UTP25: variants seen among roughly 807,000 people sequenced by gnomAD.
UTP25 encodes the protein U3 small nucleolar RNA-associated protein 25 homolog.
In UTP25, 50 loss-of-function variants were observed where a neutral mutation model predicts 78.9. The observed-to-expected ratio is 0.63, with a 90% CI of 0.50 to 0.80. The LOEUF is 0.80. Among genes scored for constraint, UTP25 ranks in the 30% least tolerant of loss-of-function variants. UTP25 has a pLI of 0.00. For synonymous variants in UTP25, 329 were observed against 336.5 expected (o/e 0.98, Z 0.24); for missense variants, 846 against 911.3 (o/e 0.93, Z 0.92).
chr1:209,848,834 A>G (rs7516902), intron 11 of UTP25, among the ~76,000 whole-genome samples: 125,280 of 152,210 alleles, frequency 0.82, 51,942 homozygotes, highest in African/African-American at 0.93. Context: ...TAGAGGCTGA[A>G]GTAAATAATA....
At position 209,855,947 on chromosome 1, in the gene UTP25, CACTG is replaced by C. The variant is rs1439748068; in HGVS notation, c.*4503_*4506del. On this transcript the variant is annotated 3_prime_UTR_variant, in exon 12 of 12. Coordinates refer to ENST00000491415, the MANE Select transcript of UTP25 (RefSeq NM_014388.7). The stretch of plus-strand genomic sequence containing the variant: ...CCCAGTGCCCTGCCACCTTCGTCCT[CACTG>C]ACCTCTGCAGCCTCTCTCATCTGCC... The C allele has an allele frequency of 3.9e-5, 6 of 152,466 alleles. No homozygotes were observed. Among genetic ancestry groups the C allele is most frequent in the Non-Finnish European group, 7.3e-5 (5 of 68,220 alleles). 9.4% of individuals were successfully genotyped at this position (152,466 alleles called of 1,614,324 possible).
chr1:209,851,231 G>C lies in UTP25; in HGVS notation c.2055G>C (p.Leu685=), dbSNP rs756081577. Residue 685 remains leucine (L), a synonymous_variant, in exon 12 of 12, where the codon CTG becomes CTC. Coordinates refer to ENST00000491415, the MANE Select transcript of UTP25 (RefSeq NM_014388.7). ...KRYTIKGIRN[L]IFYELPTYPH... ...ATACAATAAAAGGCATCAGGAACCTGATTTTCTATGAACTGCCGACATATC... is the reference window on the plus strand; with the variant it reads ...ATACAATAAAAGGCATCAGGAACCTCATTTTCTATGAACTGCCGACATATC... The C allele has an allele frequency of 4.3e-6, 7 of 1,613,574 alleles. No individual in the cohort carries two copies. The highest frequency in any genetic ancestry group is 5.9e-6 in the Non-Finnish European group (7 of 1,179,930).
chr1:209,830,233 C>G, intron 2 of UTP25, 86 bp downstream of exon 2: 1 of 1,215,354 alleles, frequency 8.2e-7, no homozygotes, highest in Non-Finnish European at 1.2e-6. Context: ...GATTACATTT[C>G]TATTCCTTTT....
At chr1:209,842,722 T>C (rs2078174893) in intron 10 of UTP25, 27 bp downstream of exon 10, 1 of 1,549,838 alleles carries the variant, frequency 6.5e-7, no homozygotes, top group Non-Finnish European at 8.8e-7. Flanking sequence ...AGCAGGCCCC[T>C]GGGGACCACA....
Position 209,838,957 on chromosome 1 carries a change from C to G in UTP25, c.1111C>G (p.Leu371Val). The G allele has an allele frequency of 6.2e-7, 1 of 1,614,088 alleles. No individual in the cohort carries two copies. Among genetic ancestry groups the G allele is most frequent in the Non-Finnish European group, 8.5e-7 (1 of 1,179,960 alleles). Residue 371 changes from leucine (L) to valine (V), a missense_variant, in exon 7 of 12, where the codon CTC (leucine) becomes GTC (valine). Physicochemically the swap from Leu to Val is conservative, Grantham distance 32. Transcript: ENST00000491415. ...GGAAGCTGCTTTGCGGGTGGTGCAG[C>G]TCTTCATCAGCCTCCTCGAGGGTGA... is the stretch of plus-strand genomic sequence containing the variant. ...FREAALRVVQ[L>V]FISLLEGDSK...
rs1438852332 is a variant in UTP25, at chr1:209,831,002, T to C, written c.347T>C (p.Val116Ala). 6.2e-7 allele frequency: 1 copy of C among 1,614,128 alleles called. No individual in the cohort carries two copies. The highest frequency in any genetic ancestry group is 8.5e-7 in the Non-Finnish European group (1 of 1,179,998). The part of the protein sequence containing the change: ...NDEDGGSDVS[V>A]EEEMAAESTE... ...GAAGATGGTGGTAGCGATGTCAGTG[T>C]GGAAGAAGAGATGGCTGCAGAGTCT... The change falls in exon 3 of 12, where the codon GTG (valine) becomes GCG (alanine). Residue 116 changes from valine (V) to alanine (A), a missense_variant. Coordinates refer to ENST00000491415, the MANE Select transcript of UTP25 (RefSeq NM_014388.7).
chr1:209,841,102 G>C (rs781445481), intron 8 of UTP25, 47 bp downstream of exon 8: 1 of 1,595,594 alleles, frequency 6.3e-7, no homozygotes, highest in Admixed American at 1.7e-5. Context: ...CATATTTAGA[G>C]GGATAAGACA....
At position 209,836,889 on chromosome 1, in the gene UTP25, T is replaced by G. The variant is rs1413440915; in HGVS notation, c.740T>G (p.Leu247Arg). 2 of 1,614,136 alleles carry G rather than the reference T, an allele frequency of 1.2e-6. No individual in the cohort carries two copies. The highest frequency in any genetic ancestry group is 1.7e-6 in the Non-Finnish European group (2 of 1,180,010). ...KPPKDIDLKS[L>R]HLQKPLESTW... ...CCAAAGGATATTGACTTAAAGTCAC[T>G]TCATCTCCAGAAGCCTCTGGAATCC... is the stretch of plus-strand genomic sequence containing the variant. The change falls in exon 6 of 12, where the codon CTT becomes CGT. Residue 247 changes from leucine to arginine, a missense_variant. Transcript: ENST00000491415.
In UTP25 at chr1:209,840,880, G is replaced by T; in HGVS notation, c.1310G>T (p.Arg437Leu). 1.2e-6 allele frequency: 2 copies of T among 1,612,820 alleles called. No individual in the cohort carries two copies. Among genetic ancestry groups the T allele is most frequent in the Non-Finnish European group, 1.7e-6 (2 of 1,179,872 alleles). The part of the protein sequence containing the change: ...IGVAILQRSI[R>L]LYAPFYSSDI... ...GTGGCAATACTTCAGAGAAGCATCC[G>T]ACTCTATGCCCCGTTTTACTCCTCG... Residue 437 changes from arginine to leucine, a missense_variant, in exon 8 of 12, where the codon CGA becomes CTA. By Grantham distance (102) the Arg-to-Leu change is moderately radical (BLOSUM62 -2). Transcript: ENST00000491415.
At chr1:209,843,302 A>G (rs2078177691) in intron 10 of UTP25, 149 bp from the exon 11 acceptor site, 2 of 903,576 alleles carry the variant, frequency 2.2e-6, no homozygotes, top group Non-Finnish European at 3.3e-6. Flanking sequence ...TTATCCTTAC[A>G]TAATCTCTTT....
In UTP25 at chr1:209,842,443, G is replaced by A; in HGVS notation, c.1664G>A (p.Gly555Asp). The change falls in exon 9 of 12, where the codon GGC (glycine) becomes GAC (aspartate). Residue 555 changes from glycine to aspartate, a missense_variant. Coordinates refer to ENST00000491415, the MANE Select transcript of UTP25 (RefSeq NM_014388.7). ...AACAAGTACTGTGTCAACATGCAAG[G>A]CCAGGTGGGTTCTCGTCTTGTTTCC... is the stretch of plus-strand genomic sequence containing the variant. Reference protein sequence around the residue: ...VFNKYCVNMQGQVAVRNVPMT... With the variant: ...VFNKYCVNMQDQVAVRNVPMT... The A allele has an allele frequency of 6.2e-7, 1 of 1,614,128 alleles. No individual in the cohort carries two copies. Among genetic ancestry groups the A allele is most frequent in the Non-Finnish European group, 8.5e-7 (1 of 1,179,976 alleles).
chr1:209,840,687 C>A, intron 7 of UTP25, among the ~76,000 whole-genome samples, 166 bp from the exon 8 acceptor site: 1 of 152,128 alleles, frequency 6.6e-6, no homozygotes. Context: ...GGAGAGATTT[C>A]TCTTGTTCTT....
At chr1:209,836,651 G>C in intron 5 of UTP25, 150 bp from the exon 6 acceptor site, 1 of 792,570 alleles carries the variant, frequency 1.3e-6, no homozygotes, top group East Asian at 2.7e-5. Flanking sequence ...ACTATAACAT[G>C]AGTATCATGG....
chr1:209,846,139 G>C (rs949946915), intron 11 of UTP25, among the ~76,000 whole-genome samples: 1 of 152,138 alleles, frequency 6.6e-6, no homozygotes, highest in Admixed American at 6.5e-5. Context: ...TTACAGGCAT[G>C]AGCCACCGTG....
chr1:209,831,622 A>G (rs1240848447), intron 3 of UTP25, among the ~76,000 whole-genome samples: 1 of 152,240 alleles, frequency 6.6e-6, no homozygotes, highest in East Asian at 1.9e-4. Flanking sequence ...TCCAATTTAA[A>G]TATACAGTCT....
intron 6 of UTP25, among the ~76,000 whole-genome samples, chr1:209,837,729 G>A (rs577358589): frequency 6.6e-6 from 1 of 152,320 alleles, no homozygotes; most frequent in East Asian, 1.9e-4. Context: ...CCACTGTAAA[G>A]TTATTGCTGC....
In UTP25 at chr1:209,840,972, G is replaced by T; in HGVS notation, c.1402G>T (p.Asp468Tyr). The change falls in exon 8 of 12, where the codon GAT becomes TAT. Residue 468 changes from aspartate (D) to tyrosine (Y), a missense_variant. Physicochemically the swap from Asp to Tyr is radical, Grantham distance 160. Coordinates refer to ENST00000491415, the MANE Select transcript of UTP25 (RefSeq NM_014388.7). ...IIGGEGEKKR[D>Y]FDFLSSIELL... Reference sequence around the variant, plus strand: ...TGGTGGAGAAGGAGAGAAGAAGAGAGATTTTGACTTTCTGTCTTCTATCGA... The same window carrying T: ...TGGTGGAGAAGGAGAGAAGAAGAGATATTTTGACTTTCTGTCTTCTATCGA... 6.2e-7 allele frequency: 1 copy of T among 1,614,112 alleles called. No individual in the cohort carries two copies. Among genetic ancestry groups the T allele is most frequent in the Non-Finnish European group, 8.5e-7 (1 of 1,179,968 alleles).
At chr1:209,840,241 G>C (rs1340701120) in intron 7 of UTP25, among the ~76,000 whole-genome samples, 1 of 152,230 alleles carries the variant, frequency 6.6e-6, no homozygotes, top group Non-Finnish European at 1.5e-5. Context: ...TTAAAGCCAT[G>C]ATCAGTGAGT....
At chr1:209,834,750 C>G (rs1343553903) in intron 4 of UTP25, among the ~76,000 whole-genome samples, 1 of 152,144 alleles carries the variant, frequency 6.6e-6, no homozygotes, top group Admixed American at 6.6e-5. Context: ...AGGAAAAGCA[C>G]AGAGGCAGAA....
Sources: gnomAD v4.1 joint callset for allele counts (sites outside exome capture counted in the v4.1 genomes callset) on GRCh38, gnomAD v4.1.1 for gene constraint, MANE v1.5 for transcripts, NCBI Gene and HGNC (gene_info 2026-07-23, HGNC 2026-07-21) for gene names.